The following SLC39A4 variants were observed in gnomAD, a reference collection of about 807,000 sequenced individuals.
The protein encoded by SLC39A4 is solute carrier family 39 member 4, also known as zinc transporter ZIP4.
In SLC39A4, 49 loss-of-function variants were observed where a neutral mutation model predicts 56.6. That is an observed-to-expected ratio of 0.87 (90% CI 0.69 to 1.10). The LOEUF is 1.10. Ranked by LOEUF, SLC39A4 falls within the 50% of genes least tolerant of loss-of-function variation. The pLI, the probability that SLC39A4 is intolerant of heterozygous loss-of-function variation, is 0.00. For missense variants in SLC39A4, 993 were observed against 864.2 expected, an observed-to-expected ratio of 1.15 and a Z score of -1.87; for synonymous variants, 540 against 420.4, an observed-to-expected ratio of 1.28 and a Z score of -3.48.
At position 144,412,787 on chromosome 8, in the gene SLC39A4, A is replaced by T; in HGVS notation, c.1787T>A (p.Leu596Gln). ...GTCGCAGAGTGCTACGTAGAGGAAC[A>T]GGCCGGTGGCCACTGCCAGGATCCA... Reference protein sequence around the residue: ...EAWILAVATGLFLYVALCDML... With the variant: ...EAWILAVATGQFLYVALCDML... Residue 596 changes from leucine to glutamine, a missense_variant, in exon 11 of 12, where the codon CTG (leucine) becomes CAG (glutamine). Transcript: ENST00000301305. The T allele has an allele frequency of 1.9e-6, 3 of 1,613,142 alleles. No individual in the cohort carries two copies. The highest frequency in any genetic ancestry group is 2.2e-5 in the South Asian group (2 of 91,090).
chr8:144,415,043 G>A lies in SLC39A4; in HGVS notation c.735C>T (p.His245=), dbSNP rs2130799867. The change falls in exon 4 of 12, where the codon CAC becomes CAT. Residue 245 remains histidine (H), a synonymous_variant. Transcript: ENST00000301305. The part of the protein sequence containing the change: ...REAHSDHSHR[H]RGASSRDPVP... ...CAGGGTCCCGGCTGCTGGCTCCCCTGTGCCGATGACTGTGGTCACTGTGGG... is the reference window on the plus strand; with the variant it reads ...CAGGGTCCCGGCTGCTGGCTCCCCTATGCCGATGACTGTGGTCACTGTGGG... 6.2e-7 allele frequency: 1 copy of A among 1,611,596 alleles called. No individual in the cohort carries two copies.
At position 144,414,417 on chromosome 8, in the gene SLC39A4, G is replaced by C. The variant is rs1554873079; in HGVS notation, c.994C>G (p.Leu332Val). Residue 332 changes from leucine (L) to valine (V), a missense_variant, in exon 6 of 12, where the codon CTG (leucine) becomes GTG (valine). Transcript: ENST00000301305. ...CAGAGGCAGATGAGCAGCGTGGCCA[G>C]GGAGCCGTACAGATACCCTGGGGGC... is the stretch of plus-strand genomic sequence containing the variant. Reference protein sequence around the residue: ...SQSERYLYGSLATLLICLCAV... With the variant: ...SQSERYLYGSVATLLICLCAV... 1.3e-6 allele frequency: 2 copies of C among 1,560,996 alleles called. No individual in the cohort carries two copies. The highest frequency in any genetic ancestry group is 2.4e-5 in the East Asian group (1 of 42,482).
Position 144,415,262 on chromosome 8 carries a change from T to A in SLC39A4, c.632A>T (p.Gln211Leu). The change falls in exon 3 of 12, where the codon CAG (glutamine) becomes CTG (leucine). Residue 211 changes from glutamine (Q) to leucine (L), a missense_variant. Gln to Leu is a moderately radical substitution (Grantham distance 113). Coordinates refer to ENST00000301305, the MANE Select transcript of SLC39A4 (RefSeq NM_130849.4). ...CATAGGGACCTCGCTGCTGTGCTGC[T>A]GGAACACAAAGTCCACGAAGTACTG... ...SPQYFVDFVF[Q>L]QHSSEVPMTL... The A allele has an allele frequency of 6.2e-7, 1 of 1,613,198 alleles. No homozygotes were observed. Among genetic ancestry groups the A allele is most frequent in the Non-Finnish European group, 8.5e-7 (1 of 1,179,844 alleles).
chr8:144,413,029 C>T, intron 10 of SLC39A4, 83 bp from the exon 11 acceptor site: 1 of 1,517,210 alleles, frequency 6.6e-7, no homozygotes, highest in Non-Finnish European at 8.8e-7. Context: ...CTCTTACCAC[C>T]AGGCCCCGCC....
Position 144,416,832 on chromosome 8 carries a change from G to A in SLC39A4, c.-43C>T, listed in dbSNP as rs1363774744. On this transcript the variant is annotated 5_prime_UTR_variant, in exon 1 of 12. Coordinates refer to ENST00000301305, the MANE Select transcript of SLC39A4 (RefSeq NM_130849.4). Reference sequence around the variant, plus strand: ...CTCAGTGGGTGTTGCTGTGGCCAAGGCCCAGTGCTTCTGGGCTGGCTGAGG... The same window carrying A: ...CTCAGTGGGTGTTGCTGTGGCCAAGACCCAGTGCTTCTGGGCTGGCTGAGG... 3.8e-6 allele frequency: 6 copies of A among 1,581,300 alleles called. No homozygotes were observed. The highest frequency in any genetic ancestry group is 2.3e-5 in the South Asian group (2 of 87,372).
Position 144,413,196 on chromosome 8 carries a change from G to A in SLC39A4, c.1627+41C>T, listed in dbSNP as rs1554872199. Reference sequence around the variant, plus strand: ...TCCAGGTCTCCCCTCCCAGCCCCGTGCGGCCCCGCCCATCTCCTTCCAGGC... The same window carrying A: ...TCCAGGTCTCCCCTCCCAGCCCCGTACGGCCCCGCCCATCTCCTTCCAGGC... On this transcript the variant is annotated intron_variant, in intron 10 of 11. Transcript: ENST00000301305. 3 of 1,517,634 alleles carry A rather than the reference G, an allele frequency of 2.0e-6. No individual in the cohort carries two copies. The South Asian group carries it at 3.6e-5, about 18-fold the overall frequency. The allele number at this position is 1,517,634 out of a possible 1,614,324, so 94.0% of individuals were successfully genotyped here.
chr8:144,414,557 C>T, intron 5 of SLC39A4, 123 bp from the exon 6 acceptor site: 2 of 1,503,120 alleles, frequency 1.3e-6, no homozygotes, highest in East Asian at 2.5e-5. Flanking sequence ...GCTGACCCTC[C>T]TGCCTCAAAG....
rs782198269 is a variant in SLC39A4, at chr8:144,416,093, T to C, written c.193-2A>G. The stretch of plus-strand genomic sequence containing the variant: ...CAGGGCGTCCTCCACAGACAGGCAC[T>C]GTGGGCAGAGACAAGTGAGCAGGGG... On this transcript the variant is annotated splice_acceptor_variant, in intron 1 of 11. Transcript: ENST00000301305. LOFTEE classifies it high-confidence loss of function. 3.7e-6 allele frequency: 6 copies of C among 1,600,616 alleles called. No individual in the cohort carries two copies. The highest frequency in any genetic ancestry group is 4.2e-6 in the Non-Finnish European group (5 of 1,176,856).
At chr8:144,413,123 AC>A in intron 10 of SLC39A4, 113 bp downstream of exon 10, 1 of 1,016,910 alleles carries the variant, frequency 9.8e-7, no homozygotes, top group South Asian at 2.1e-5. Flanking sequence ...CGGTCTCCCC[AC>A]CCAGCCAGGT....
intron 3 of SLC39A4, 42 bp downstream of exon 3, chr8:144,415,185 G>A (rs1554873492): frequency 1.9e-6 from 3 of 1,612,556 alleles, no homozygotes; most frequent in Admixed American, 3.3e-5. Flanking sequence ...GGAGGCTGGG[G>A]ACTCGGGGGT....
Position 144,416,583 on chromosome 8 carries a change from G to C in SLC39A4, c.192+15C>G. On this transcript the variant is annotated intron_variant, in intron 1 of 11. Transcript: ENST00000301305. ...AGAGGCCAGGGCTGGGGGACCCGTC[G>C]GGTGGGGCTGTTACCTTTCCACACG... 6.4e-7 allele frequency: 1 copy of C among 1,565,324 alleles called. No individual in the cohort carries two copies. Among genetic ancestry groups the C allele is most frequent in the Non-Finnish European group, 8.6e-7 (1 of 1,156,470 alleles).
chr8:144,416,718 C>T lies in SLC39A4; in HGVS notation c.72G>A (p.Pro24=), dbSNP rs782746868. The change falls in exon 1 of 12, where the codon CCG becomes CCA. Residue 24 remains proline (P), a synonymous_variant. Transcript: ENST00000301305. The part of the protein sequence containing the change: ...AVLVVTATAS[P]PAGLLSLLTS... ...TGAGCAGGCTCAGCAGACCAGCAGG[C>T]GGGGACGCCGTCGCCGTCACCACCA... 1.8e-5 allele frequency: 29 copies of T among 1,612,412 alleles called. No homozygotes were observed. The highest frequency in any genetic ancestry group is 7.7e-5 in the South Asian group (7 of 91,046).
At chr8:144,416,169 G>C (rs201942863) in intron 1 of SLC39A4, 78 bp from the exon 2 acceptor site, 1 of 1,595,414 alleles carries the variant, frequency 6.3e-7, no homozygotes, top group Non-Finnish European at 8.5e-7. Flanking sequence ...GGGCTTCCCC[G>C]AGGGCCTGTT....
rs144184595 is a variant in SLC39A4 at position 144,415,241 on chromosome 8, G to A, written c.653C>T (p.Pro218Leu). Residue 218 changes from proline to leucine, a missense_variant, in exon 3 of 12, where the codon CCT becomes CTT. Pro to Leu is a moderately conservative substitution (Grantham distance 98). Coordinates refer to ENST00000301305, the MANE Select transcript of SLC39A4 (RefSeq NM_130849.4). Reference sequence around the variant, plus strand: ...CCAGGCCTCACCGGCCAGCGTCATAGGGACCTCGCTGCTGTGCTGCTGGAA... The same window carrying A: ...CCAGGCCTCACCGGCCAGCGTCATAAGGACCTCGCTGCTGTGCTGCTGGAA... ...FVFQQHSSEVPMTLAELSALM... is the reference protein window; with the variant it reads ...FVFQQHSSEVLMTLAELSALM... The A allele has an allele frequency of 8.7e-6, 14 of 1,612,964 alleles. No homozygotes were observed. The highest frequency in any genetic ancestry group is 1.6e-4 in the Middle Eastern group (1 of 6,080).
rs145832695 is a variant in SLC39A4 at position 144,413,369 on chromosome 8, T to C, written c.1495A>G (p.Met499Val). ...LSPELRLLPY[M>V]ITLGDAVHNF... ...TGCACGGCGTCGCCCAGAGTGATCA[T>C]ATAGGGCAGTAGCCTCAACTCTGCG... is the stretch of plus-strand genomic sequence containing the variant. Residue 499 changes from methionine (M) to valine (V), a missense_variant, in exon 10 of 12, where the codon ATG (methionine) becomes GTG (valine). By Grantham distance (21) the Met-to-Val change is conservative (BLOSUM62 1). Coordinates refer to ENST00000301305, the MANE Select transcript of SLC39A4 (RefSeq NM_130849.4). The C allele has an allele frequency of 7.4e-4, 1,196 of 1,608,760 alleles. 7 individuals carry two copies. The African/African-American group carries it at 0.011, about 14-fold the overall frequency.
intron 1 of SLC39A4, 145 bp downstream of exon 1, chr8:144,416,453 C>T: frequency 6.8e-7 from 1 of 1,463,478 alleles, no homozygotes; most frequent in Non-Finnish European, 9.0e-7. Context: ...GGGCTCTGGC[C>T]TGTGGGGAGG....
At chr8:144,415,149 G>A in intron 3 of SLC39A4, 39 bp from the exon 4 acceptor site, 2 of 1,612,704 alleles carry the variant, frequency 1.2e-6, no homozygotes, top group Non-Finnish European at 8.5e-7. Flanking sequence ...GTCTGTGTGG[G>A]CTCCGGCCCT....
At position 144,415,257 on chromosome 8, in the gene SLC39A4, G is replaced by A; in HGVS notation, c.637C>T (p.His213Tyr). The change falls in exon 3 of 12, where the codon CAC becomes TAC. Residue 213 changes from histidine to tyrosine, a missense_variant. Physicochemically the swap from His to Tyr is moderately conservative, Grantham distance 83. Coordinates refer to ENST00000301305, the MANE Select transcript of SLC39A4 (RefSeq NM_130849.4). ...QYFVDFVFQQ[H>Y]SSEVPMTLAE... ...AGCGTCATAGGGACCTCGCTGCTGTGCTGCTGGAACACAAAGTCCACGAAG... is the reference window on the plus strand; with the variant it reads ...AGCGTCATAGGGACCTCGCTGCTGTACTGCTGGAACACAAAGTCCACGAAG... 1 of 1,613,220 alleles carries A rather than the reference G, an allele frequency of 6.2e-7. No homozygotes were observed. The highest frequency in any genetic ancestry group is 8.5e-7 in the Non-Finnish European group (1 of 1,179,868).
Position 144,414,980 on chromosome 8 carries a change from C to G in SLC39A4, c.798G>C (p.Trp266Cys). The G allele has an allele frequency of 6.2e-7, 1 of 1,612,738 alleles. No homozygotes were observed. Among genetic ancestry groups the G allele is most frequent in the Non-Finnish European group, 8.5e-7 (1 of 1,179,962 alleles). The part of the protein sequence containing the change: ...LISSSNSSSV[W>C]DTVCLSARDV... ...ACCCCAGGGCGCAGCTCACCGTGTC[C>G]CACACACTGGAGCTGTTGCTGGAGC... The change falls in exon 4 of 12, where the codon TGG becomes TGC. Residue 266 changes from tryptophan to cysteine, a missense_variant. Transcript: ENST00000301305.
Sources: gnomAD v4.1 joint callset for allele counts on GRCh38, gnomAD v4.1.1 for gene constraint, MANE v1.5 for transcripts, NCBI Gene and HGNC (gene_info 2026-07-23, HGNC 2026-07-21) for gene names.